The following CYP2J2 variants were observed in gnomAD, a reference collection of about 807,000 sequenced individuals.
The protein encoded by CYP2J2 is cytochrome P450 2J2.
CYP2J2 carries 41 observed loss-of-function variants against 48.8 expected under a neutral mutation model. That is an observed-to-expected ratio of 0.84 (90% confidence interval 0.66 to 1.09). The LOEUF is 1.09. Among genes scored for constraint, CYP2J2 ranks in the 50% least tolerant of loss-of-function variants. CYP2J2 has a pLI of 0.00. For synonymous variants in CYP2J2, 221 were observed against 227.1 expected (o/e 0.97, Z 0.24); for missense variants, 644 against 617.3 (o/e 1.04, Z -0.46).
At chr1:59,924,028 AAAAC>A (rs1644540368) in intron 1 of CYP2J2, among the ~76,000 whole-genome samples, 1 of 152,214 alleles carries the variant, frequency 6.6e-6, no homozygotes, top group South Asian at 2.1e-4. Context: ...AACAAAAACA[AAAAC>A]AAAGAAAATT....
upstream of CYP2J2, among the ~76,000 whole-genome samples, chr1:59,930,574 G>A (rs1644598130): frequency 2.0e-5 from 3 of 151,884 alleles, no homozygotes; most frequent in Admixed American, 1.3e-4. Flanking sequence ...CAGGTTCTTT[G>A]CCAATTTTTA....
At chr1:59,956,966 G>A in the CYP2J2 span, among the ~76,000 whole-genome samples, 31 of 152,190 alleles carry the variant, frequency 2.0e-4, no homozygotes, top group African/African-American at 7.0e-4. Flanking sequence ...CCCATGTGGA[G>A]GGATCACATG....
chr1:59,950,828 C>T, the CYP2J2 span, among the ~76,000 whole-genome samples: 4 of 152,172 alleles, frequency 2.6e-5, no homozygotes, highest in African/African-American at 9.7e-5. Context: ...AATTCTCCTC[C>T]ACATGTCCCT....
At chr1:59,934,129 A>C in the CYP2J2 span, among the ~76,000 whole-genome samples, 1 of 152,298 alleles carries the variant, frequency 6.6e-6, no homozygotes, top group East Asian at 1.9e-4. Context: ...AATACTACAT[A>C]ACGGGGAAAG....
the CYP2J2 span, among the ~76,000 whole-genome samples, chr1:59,947,628 G>C: frequency 6.6e-6 from 1 of 152,158 alleles, no homozygotes; most frequent in Non-Finnish European, 1.5e-5. Flanking sequence ...TAAGGCCATC[G>C]ATGAGAGTGA....
At chr1:59,959,238 C>T in the CYP2J2 span, among the ~76,000 whole-genome samples, 2 of 152,124 alleles carry the variant, frequency 1.3e-5, no homozygotes, top group Non-Finnish European at 2.9e-5. Context: ...TCTCTAACTG[C>T]TATTTTCTTC....
chr1:59,936,074 T>C, the CYP2J2 span, among the ~76,000 whole-genome samples: 1 of 152,220 alleles, frequency 6.6e-6, no homozygotes, highest in Non-Finnish European at 1.5e-5. Flanking sequence ...GCCCAGAATA[T>C]ACTCTCTTAC....
At chr1:59,900,388 T>C (rs1370102330) in intron 8 of CYP2J2, among the ~76,000 whole-genome samples, 1 of 152,218 alleles carries the variant, frequency 6.6e-6, no homozygotes, top group Non-Finnish European at 1.5e-5. Context: ...GCACTTTGGC[T>C]TTGGGAGGCC....
the CYP2J2 span, among the ~76,000 whole-genome samples, chr1:59,932,972 C>T: frequency 6.6e-6 from 1 of 152,042 alleles, no homozygotes; most frequent in Non-Finnish European, 1.5e-5. Flanking sequence ...AAGGATTTTT[C>T]TTATTCTTAA....
Position 59,915,919 on chromosome 1 carries a change from C to G in CYP2J2, c.373+19G>C, listed in dbSNP as rs778628591. On this transcript the variant is annotated intron_variant, in intron 2 of 8. Coordinates refer to ENST00000371204, the MANE Select transcript of CYP2J2 (RefSeq NM_000775.4). ...CTATCAACATCAAACACTCACCTTT[C>G]GTTGGCCAAGAAACTTACCATTTTT... is the stretch of plus-strand genomic sequence containing the variant. 3 of 1,608,300 alleles carry G rather than the reference C, an allele frequency of 1.9e-6. No individual in the cohort carries two copies. Among genetic ancestry groups the G allele is most frequent in the South Asian group, 1.1e-5 (1 of 89,910 alleles).
intron 2 of CYP2J2, among the ~76,000 whole-genome samples, chr1:59,915,038 C>A (rs1358897212): frequency 9.9e-5 from 15 of 152,200 alleles, no homozygotes; most frequent in Admixed American, 6.5e-5. Flanking sequence ...ATAAATCTGG[C>A]CTACGTGCAT....
chr1:59,927,753 G>T (rs1200695421), upstream of CYP2J2, among the ~76,000 whole-genome samples: 1 of 151,838 alleles, frequency 6.6e-6, no homozygotes, highest in Non-Finnish European at 1.5e-5. Flanking sequence ...TTGTATTTTT[G>T]GTACAGATGG....
chr1:59,901,406 G>C (rs1023510112), intron 7 of CYP2J2, among the ~76,000 whole-genome samples: 3 of 152,114 alleles, frequency 2.0e-5, no homozygotes, highest in Non-Finnish European at 2.9e-5. Flanking sequence ...GGAAGGAGGG[G>C]GCATGAATGC....
chr1:59,900,926 G>A, intron 8 of CYP2J2, 39 bp downstream of exon 8: 3 of 1,597,240 alleles, frequency 1.9e-6, no homozygotes, highest in East Asian at 2.3e-5. Flanking sequence ...GCTGGGAGAG[G>A]GGCCCTGGAC....
intron 1 of CYP2J2, 164 bp downstream of exon 1, chr1:59,926,373 T>A (rs1644564060): frequency 1.6e-6 from 1 of 624,654 alleles, no homozygotes; most frequent in East Asian, 2.7e-5. Context: ...TGCCAGTTAA[T>A]GGGTTAGGAA....
At chr1:59,894,838 A>G (rs1278852353) in intron 8 of CYP2J2, among the ~76,000 whole-genome samples, 2 of 152,242 alleles carry the variant, frequency 1.3e-5, no homozygotes, top group African/African-American at 2.4e-5. Context: ...AATACAATTT[A>G]AAAGATGACC....
At chr1:59,965,465 A>C in the CYP2J2 span, among the ~76,000 whole-genome samples, 1 of 152,222 alleles carries the variant, frequency 6.6e-6, no homozygotes, top group Non-Finnish European at 1.5e-5. Context: ...CACAGAGCAT[A>C]AGAGATACAG....
At position 59,893,486 on chromosome 1, in the gene CYP2J2, G is replaced by C. The variant is rs2102096918; in HGVS notation, c.*165C>G. The stretch of plus-strand genomic sequence containing the variant: ...ATTTTCCCAAGGCTAATTCGGACGA[G>C]ACAGTAGAGCTGGGATTTGGATCTA... On this transcript the variant is annotated 3_prime_UTR_variant, in exon 9 of 9. Transcript: ENST00000371204. 6 of 522,582 alleles carry C rather than the reference G, an allele frequency of 1.1e-5. No individual in the cohort carries two copies. The South Asian group carries it at 1.8e-4, about 16-fold the overall frequency. The allele number at this position is 522,582 out of a possible 1,614,324, so 32.4% of individuals were successfully genotyped here.
chr1:59,920,903 AATT>A (rs1049314850), intron 1 of CYP2J2, among the ~76,000 whole-genome samples: 3 of 152,212 alleles, frequency 2.0e-5, no homozygotes, highest in African/African-American at 4.8e-5. Context: ...TTAATAATAA[AATT>A]ATTATGGCTC....
Sources: allele counts gnomAD v4.1 joint callset (sites outside exome capture counted in the v4.1 genomes callset), GRCh38; gene constraint gnomAD v4.1.1; transcripts MANE v1.5; gene names NCBI Gene and HGNC (gene_info 2026-07-23, HGNC 2026-07-21).